Variants in SPIRE1 observed in about 807,000 individuals in gnomAD.
The protein encoded by SPIRE1 is spire type actin nucleation factor 1.
Under a neutral mutation model 94.1 loss-of-function variants are expected in SPIRE1, and 40 were observed. The observed-to-expected ratio is 0.43, with a 90% CI of 0.33 to 0.55. The LOEUF is 0.55. SPIRE1 is among the 20% of genes least tolerant of loss of function. SPIRE1 has a pLI of 0.06. For synonymous variants in SPIRE1, 376 were observed against 371.7 expected (o/e 1.01, Z -0.13); for missense variants, 838 against 975.2 (o/e 0.86, Z 1.87).
At chr18:12,609,987 C>T (rs1351309065) in intron 2 of SPIRE1, among the ~76,000 whole-genome samples, 1 of 152,086 alleles carries the variant, frequency 6.6e-6, no homozygotes, top group African/African-American at 2.4e-5. Context: ...CTTTCTGTCA[C>T]AGTTATCAGG....
chr18:12,568,834 C>G (rs1162557570), intron 2 of SPIRE1, among the ~76,000 whole-genome samples: 1 of 152,110 alleles, frequency 6.6e-6, no homozygotes, highest in Non-Finnish European at 1.5e-5. Flanking sequence ...CTTATGAACA[C>G]AGAAAGTTAC....
intron 8 of SPIRE1, among the ~76,000 whole-genome samples, chr18:12,486,539 T>C (rs1186423671): frequency 6.6e-6 from 1 of 152,204 alleles, no homozygotes; most frequent in Non-Finnish European, 1.5e-5. Context: ...TATAACCTAG[T>C]AGTTGAAGGA....
At chr18:12,637,773 A>G (rs1209964915) in intron 1 of SPIRE1, among the ~76,000 whole-genome samples, 1 of 152,258 alleles carries the variant, frequency 6.6e-6, no homozygotes, top group African/African-American at 2.4e-5. Context: ...CAGGGAAATT[A>G]CAAGGTAAGT....
At chr18:12,464,510 G>A (rs1237334363) in intron 11 of SPIRE1, among the ~76,000 whole-genome samples, 1 of 152,160 alleles carries the variant, frequency 6.6e-6, no homozygotes, top group Non-Finnish European at 1.5e-5. Context: ...ATGGGTGTGT[G>A]TGGGTGGTAG....
chr18:12,657,176 C>T (rs1355642573), intron 1 of SPIRE1, among the ~76,000 whole-genome samples: 1 of 152,228 alleles, frequency 6.6e-6, no homozygotes, highest in African/African-American at 2.4e-5. Context: ...GCGCACAGGC[C>T]GCTGGCCCGG....
intron 12 of SPIRE1, among the ~76,000 whole-genome samples, chr18:12,461,323 G>A (rs1268196085): frequency 1.3e-5 from 2 of 151,988 alleles, no homozygotes; most frequent in Non-Finnish European, 2.9e-5. Context: ...ATGATAGACT[G>A]GCTTCTAGGA....
intron 2 of SPIRE1, among the ~76,000 whole-genome samples, chr18:12,551,405 A>C (rs976494472): frequency 6.6e-6 from 1 of 152,198 alleles, no homozygotes; most frequent in Non-Finnish European, 1.5e-5. Context: ...TTGTATTCTT[A>C]AAAGTCTGGG....
intron 2 of SPIRE1, among the ~76,000 whole-genome samples, chr18:12,587,449 GT>G (rs1157876191): frequency 2.0e-5 from 3 of 151,542 alleles, no homozygotes; most frequent in Admixed American, 6.7e-5. Context: ...CACTGATAAG[GT>G]AGCCAAAGCA....
At chr18:12,476,551 AAAAAAAAAAAAAAATATATAT>A (rs1193745264) in intron 10 of SPIRE1, among the ~76,000 whole-genome samples, 1 of 77,838 alleles carries the variant, frequency 1.3e-5, no homozygotes, top group Non-Finnish European at 2.2e-5. Context: ...CAAAAAAAAA[AAAAAAAAAAAAAAATATATAT>A]ATATATATAT....
At chr18:12,651,749 A>C (rs1177273112) in intron 1 of SPIRE1, among the ~76,000 whole-genome samples, 1 of 152,196 alleles carries the variant, frequency 6.6e-6, no homozygotes, top group African/African-American at 2.4e-5. Context: ...TTAAAATCAA[A>C]TAGGATTTTA....
chr18:12,597,395 C>T (rs2036706922), intron 2 of SPIRE1, among the ~76,000 whole-genome samples: 1 of 152,048 alleles, frequency 6.6e-6, no homozygotes, highest in East Asian at 1.9e-4. Flanking sequence ...GGGAGAGGGG[C>T]GTTACTTTAT....
At chr18:12,557,007 T>C (rs997247119) in intron 2 of SPIRE1, among the ~76,000 whole-genome samples, 17 of 152,312 alleles carry the variant, frequency 1.1e-4, no homozygotes, top group Admixed American at 1.1e-3. Flanking sequence ...GGGTGCTGAT[T>C]GGTGCGTTTA....
At chr18:12,518,055 C>A (rs1022513447) in intron 4 of SPIRE1, among the ~76,000 whole-genome samples, 2 of 152,050 alleles carry the variant, frequency 1.3e-5, no homozygotes, top group Admixed American at 6.6e-5. Flanking sequence ...CTCTGTTGAC[C>A]AGGCTGGAGC....
intron 2 of SPIRE1, among the ~76,000 whole-genome samples, chr18:12,550,087 T>TA (rs1050145632): frequency 6.6e-6 from 1 of 152,228 alleles, no homozygotes; most frequent in African/African-American, 2.4e-5. Flanking sequence ...AATCTCTACT[T>TA]ATTTTCCCTT....
At chr18:12,638,987 T>C (rs1412479533) in intron 1 of SPIRE1, among the ~76,000 whole-genome samples, 2 of 152,182 alleles carry the variant, frequency 1.3e-5, no homozygotes, top group Admixed American at 6.5e-5. Flanking sequence ...TAGTTCTTTA[T>C]AGCAATGCAA....
chr18:12,479,750 C>T lies in SPIRE1; in HGVS notation c.1353G>A (p.Lys451=). The T allele has an allele frequency of 6.2e-7, 1 of 1,614,050 alleles. No individual in the cohort carries two copies. The highest frequency in any genetic ancestry group is 2.2e-5 in the East Asian group (1 of 44,870). The change falls in exon 10 of 17, where the codon AAG becomes AAA. Residue 451 remains lysine (K), a synonymous_variant. Transcript: ENST00000409402. ...CCAGAGTTGGGGCTCTGAGGAGCTT[C>T]TTCCGCTGTGCAGGCACCTGCTGTG... ...STSQQVPAQR[K]KLLRAPTLAE... is the part of the protein sequence containing the mutation.
chr18:12,608,032 C>A (rs1284397375), intron 2 of SPIRE1, among the ~76,000 whole-genome samples: 1 of 152,016 alleles, frequency 6.6e-6, no homozygotes, highest in Non-Finnish European at 1.5e-5. Flanking sequence ...ATGGCCGGTG[C>A]CTGTAGTCCC....
chr18:12,509,753 A>C (rs1009891115), intron 5 of SPIRE1, among the ~76,000 whole-genome samples: 1 of 152,188 alleles, frequency 6.6e-6, no homozygotes, highest in African/African-American at 2.4e-5. Flanking sequence ...TGAAATCTCA[A>C]AACAATTATG....
At chr18:12,553,499 G>T (rs1423012986) in intron 2 of SPIRE1, among the ~76,000 whole-genome samples, 5 of 152,208 alleles carry the variant, frequency 3.3e-5, no homozygotes, top group African/African-American at 1.2e-4. Flanking sequence ...GCCTGTGGAA[G>T]AGGCGAGGGA....
Sources: allele counts gnomAD v4.1 joint callset (sites outside exome capture counted in the v4.1 genomes callset), GRCh38; gene constraint gnomAD v4.1.1; transcripts MANE v1.5; gene names NCBI Gene and HGNC (gene_info 2026-07-23, HGNC 2026-07-21).